Variants in TAFA2 observed in about 807,000 individuals in gnomAD.
TAFA2 encodes chemokine-like protein TAFA-2.
A neutral mutation model predicts 18.8 loss-of-function variants in TAFA2; 7 were observed. The ratio of observed to expected loss-of-function variants is 0.37; its 90% CI spans 0.21 to 0.70. The LOEUF (loss-of-function observed/expected upper bound fraction) is 0.70, where lower values mean the gene tolerates loss of function less well. TAFA2 is among the 30% of genes least tolerant of loss of function. TAFA2 has a pLI of 0.53. For synonymous variants in TAFA2, 60 were observed against 54.2 expected (o/e 1.11, Z -0.47); for missense variants, 122 against 158.1 (o/e 0.77, Z 1.23).
At chr12:62,073,483 G>A (rs956833330) in intron 1 of TAFA2, among the ~76,000 whole-genome samples, 15 of 151,044 alleles carry the variant, frequency 9.9e-5, no homozygotes, top group Non-Finnish European at 1.6e-4. Context: ...TTATATTATA[G>A]GTAGGTGTTA....
Position 61,867,383 on chromosome 12 carries a change from G to T in TAFA2, c.43C>A (p.Leu15Ile). 1 of 1,608,516 alleles carries T rather than the reference G, an allele frequency of 6.2e-7. No individual in the cohort carries two copies. The highest frequency in any genetic ancestry group is 8.5e-7 in the Non-Finnish European group (1 of 1,176,232). The part of the protein sequence containing the change: ...YLQKATKGKL[L>I]IIIFIVTLWG... ...AAGGTTACAATAAATATTATTATTA[G>T]CAGTTTTCCTTTTGTTGCTTTCTGT... The change falls in exon 2 of 5, where the codon CTA becomes ATA. Residue 15 changes from leucine to isoleucine, a missense_variant. Physicochemically the swap from Leu to Ile is conservative, Grantham distance 5 (BLOSUM62 2). Transcript: ENST00000416284.
chr12:61,842,920 T>C (rs1029218150), intron 2 of TAFA2, among the ~76,000 whole-genome samples: 5 of 152,074 alleles, frequency 3.3e-5, no homozygotes, highest in Non-Finnish European at 7.4e-5. Context: ...ATTTAGTGTA[T>C]GACTGCAACT....
At position 61,821,836 on chromosome 12, in the gene TAFA2, A is replaced by T. The variant is rs186184887; in HGVS notation, c.106+45484T>A. Among the ~76,000 whole-genome samples the T allele has an allele frequency of 2.6e-4, 39 of 152,232 alleles. No homozygotes were observed. The East Asian group carries it at 5.4e-3, about 21-fold the overall frequency. On this transcript the variant is annotated intron_variant, in intron 2 of 4. Coordinates refer to ENST00000416284, the MANE Select transcript of TAFA2 (RefSeq NM_178539.5). ...CTTCAGACAGTTTGCCAAATTTTAA[A>T]TGCATTTTATTCCTGTAGAGTTTTT... is the stretch of plus-strand genomic sequence containing the variant.
chr12:61,830,578 C>T (rs894910959), intron 2 of TAFA2, among the ~76,000 whole-genome samples: 4 of 151,696 alleles, frequency 2.6e-5, no homozygotes, highest in African/African-American at 4.8e-5. Context: ...AAATAATAGT[C>T]ATGGGAGACT....
chr12:62,119,119 G>C (rs1870087794), intron 1 of TAFA2, among the ~76,000 whole-genome samples: 1 of 152,016 alleles, frequency 6.6e-6, no homozygotes, highest in African/African-American at 2.4e-5. Context: ...CATGTAGTGT[G>C]AGGGAAGGAC....
intron 1 of TAFA2, among the ~76,000 whole-genome samples, chr12:62,098,640 T>A (rs1028414895): frequency 2.6e-5 from 4 of 152,132 alleles, no homozygotes; most frequent in African/African-American, 4.8e-5. Context: ...GCTGATTAAT[T>A]CTCTTTTTGT....
At chr12:61,885,850 A>G (rs1248216234) in intron 1 of TAFA2, among the ~76,000 whole-genome samples, 1 of 152,208 alleles carries the variant, frequency 6.6e-6, no homozygotes, top group Admixed American at 6.5e-5. Context: ...TTCTGATTAA[A>G]GAGAATACTA....
At chr12:61,787,887 T>A (rs12318562) in intron 2 of TAFA2, among the ~76,000 whole-genome samples, 3,735 of 151,650 alleles carry the variant, frequency 0.025, 150 homozygotes, top group African/African-American at 0.085. Context: ...AGTTAAATTA[T>A]CCAGTTAAAA....
intron 1 of TAFA2, among the ~76,000 whole-genome samples, chr12:62,185,385 G>C (rs1476760190): frequency 1.3e-5 from 2 of 152,068 alleles, no homozygotes; most frequent in African/African-American, 2.4e-5. Flanking sequence ...CTGTGAAAAA[G>C]AACTAAAGTT....
chr12:62,005,532 T>C (rs1437149915), intron 1 of TAFA2, among the ~76,000 whole-genome samples: 1 of 152,130 alleles, frequency 6.6e-6, no homozygotes, highest in Admixed American at 6.5e-5. Context: ...TAGCATTTTC[T>C]AGCTTACTAG....
At chr12:61,900,660 A>G (rs746205119) in intron 1 of TAFA2, among the ~76,000 whole-genome samples, 2 of 151,740 alleles carry the variant, frequency 1.3e-5, no homozygotes, top group South Asian at 2.1e-4. Flanking sequence ...TGGGAGAACC[A>G]CTCCCATGAT....
At chr12:62,002,910 A>G (rs1880426034) in intron 1 of TAFA2, among the ~76,000 whole-genome samples, 1 of 152,162 alleles carries the variant, frequency 6.6e-6, no homozygotes, top group Non-Finnish European at 1.5e-5. Context: ...AAAAATGCTT[A>G]AACCCCACAA....
intron 1 of TAFA2, among the ~76,000 whole-genome samples, chr12:61,888,935 T>C (rs1440124512): frequency 1.3e-5 from 2 of 152,190 alleles, no homozygotes; most frequent in African/African-American, 2.4e-5. Context: ...CAACAAAAGC[T>C]TTTTTAATGC....
chr12:61,751,893 C>T lies in TAFA2; in HGVS notation c.384+1729G>A, dbSNP rs1869033700. 2.0e-5 allele frequency among the ~76,000 whole-genome samples: 3 copies of T among 151,930 alleles called. No individual in the cohort carries two copies. The South Asian group carries it at 6.2e-4, about 31-fold the overall frequency. ...TTTTTTTCCATGAGAATTTAGACTGCATGGTCTTGACCTTTTCATTTCAAT... is the reference window on the plus strand; with the variant it reads ...TTTTTTTCCATGAGAATTTAGACTGTATGGTCTTGACCTTTTCATTTCAAT... On this transcript the variant is annotated intron_variant, in intron 4 of 4. Coordinates refer to ENST00000416284, the MANE Select transcript of TAFA2 (RefSeq NM_178539.5).
chr12:62,170,412 T>A (rs2062469707), intron 1 of TAFA2, among the ~76,000 whole-genome samples: 1 of 152,190 alleles, frequency 6.6e-6, no homozygotes, highest in Non-Finnish European at 1.5e-5. Context: ...TGCCAAGACA[T>A]GAAAGAAATA....
intron 1 of TAFA2, among the ~76,000 whole-genome samples, chr12:62,062,402 G>T (rs1020519765): frequency 6.6e-6 from 1 of 152,112 alleles, no homozygotes; most frequent in Non-Finnish European, 1.5e-5. Flanking sequence ...GTTTCATTGC[G>T]ACCTGACAAG....
chr12:62,200,662 T>C (rs1467893930), intron 1 of TAFA2, among the ~76,000 whole-genome samples: 1 of 152,100 alleles, frequency 6.6e-6, no homozygotes, highest in Admixed American at 6.5e-5. Context: ...GTAGTTTTGT[T>C]GTATAGTTTG....
intron 1 of TAFA2, among the ~76,000 whole-genome samples, chr12:62,003,648 C>T (rs1210005017): frequency 6.6e-6 from 1 of 152,130 alleles, no homozygotes; most frequent in Non-Finnish European, 1.5e-5. Context: ...CTCTACTATA[C>T]AATTTGTTTA....
At chr12:62,251,907 T>C (rs992126411) in intron 1 of TAFA2, among the ~76,000 whole-genome samples, 4 of 152,216 alleles carry the variant, frequency 2.6e-5, no homozygotes, top group African/African-American at 9.6e-5. Flanking sequence ...TCATGAAGGA[T>C]GATGTTAATG....
Sources: gnomAD v4.1 joint callset for allele counts (sites outside exome capture counted in the v4.1 genomes callset) on GRCh38, gnomAD v4.1.1 for gene constraint, MANE v1.5 for transcripts, NCBI Gene and HGNC (gene_info 2026-07-23, HGNC 2026-07-21) for gene names.